FOXP1: variants seen among roughly 807,000 people sequenced by gnomAD.
The protein encoded by FOXP1 is forkhead box protein P1.
FOXP1 carries 15 observed loss-of-function variants against 98.2 expected under a neutral mutation model. The ratio of observed to expected loss-of-function variants is 0.15; its 90% CI spans 0.10 to 0.24. The LOEUF (loss-of-function observed/expected upper bound fraction) is 0.24. Ranked by LOEUF, FOXP1 falls within the 10% of genes least tolerant of loss-of-function variation. FOXP1 has a pLI of 1.00. For missense variants in FOXP1, 633 were observed against 848.5 expected (o/e 0.75, Z 3.15); for synonymous variants, 371 against 314.5 (o/e 1.18, Z -1.90).
At chr3:71,436,871 G>T (rs1170434707) in intron 3 of FOXP1, among the ~76,000 whole-genome samples, 1 of 152,072 alleles carries the variant, frequency 6.6e-6, no homozygotes, top group East Asian at 1.9e-4. Context: ...TAAAACACAG[G>T]AAACAAAATG....
intron 6 of FOXP1, among the ~76,000 whole-genome samples, chr3:71,129,162 T>G (rs778379998): frequency 5.9e-5 from 9 of 151,972 alleles, no homozygotes; most frequent in Non-Finnish European, 1.3e-4. Flanking sequence ...CCACACTGAG[T>G]TTTCGGCCCC....
intron 2 of FOXP1, among the ~76,000 whole-genome samples, chr3:71,510,564 G>A (rs2042132905): frequency 1.3e-5 from 2 of 152,132 alleles, no homozygotes; most frequent in African/African-American, 4.8e-5. Flanking sequence ...GCACACAGGT[G>A]CAGCACAATG....
At chr3:70,969,030 C>G (rs537370851) in intron 19 of FOXP1, 5 of 151,808 alleles carry the variant, frequency 3.3e-5, no homozygotes, top group Admixed American at 3.3e-4. Context: ...AGCAAATGTT[C>G]AGAGATGAAA....
chr3:71,000,794 A>AAAAATAAAAT lies in FOXP1; in HGVS notation c.1062+168_1062+177dup, dbSNP rs59993750. 0.13 allele frequency among the ~76,000 whole-genome samples: 16,156 copies of AAAAATAAAAT among 121,946 alleles called. 1,730 individuals carry two copies. The highest frequency in any genetic ancestry group is 0.27 in the African/African-American group (8,155 of 29,752). 80.0% of individuals were successfully genotyped at this position (121,946 alleles called of 152,430 possible). A position where few individuals can be genotyped will look rare whatever the true frequency, so the allele number is the denominator to read the frequency against. The stretch of plus-strand genomic sequence containing the variant: ...GGGGCTGAACCTGCCCAAAGAGGTA[A>AAAAATAAAAT]AAAATAAAATAAAATAAAATAAAAT... On this transcript the variant is annotated intron_variant, in intron 13 of 20. Transcript: ENST00000649528.
chr3:71,389,019 T>TA (rs955357099), intron 3 of FOXP1, among the ~76,000 whole-genome samples: 2 of 152,118 alleles, frequency 1.3e-5, no homozygotes, highest in African/African-American at 4.8e-5. Flanking sequence ...AGGATGTTAA[T>TA]AAAGGTTCTC....
chr3:71,390,890 C>T (rs2080983095), intron 3 of FOXP1, among the ~76,000 whole-genome samples: 1 of 152,200 alleles, frequency 6.6e-6, no homozygotes, highest in Non-Finnish European at 1.5e-5. Context: ...TCAAACTCTG[C>T]CCTCCCCAGG....
chr3:71,410,578 C>A (rs1248054097), intron 3 of FOXP1, among the ~76,000 whole-genome samples: 1 of 152,154 alleles, frequency 6.6e-6, no homozygotes, highest in African/African-American at 2.4e-5. Flanking sequence ...TTTAAATTGT[C>A]CACACACATT....
chr3:71,297,574 C>T lies in FOXP1; in HGVS notation c.-12+2246G>A, dbSNP rs573099234. On this transcript the variant is annotated intron_variant, in intron 5 of 20. Coordinates refer to ENST00000649528, the MANE Select transcript of FOXP1 (RefSeq NM_001349338.3). ...CTGTATGGATAAGGCAACTCTCAAG[C>T]TAAACTTTTCATCTTTTCTACCACT... is the stretch of plus-strand genomic sequence containing the variant. Among the ~76,000 whole-genome samples the T allele has an allele frequency of 1.0e-4, 15 of 148,876 alleles. No individual in the cohort carries two copies. The South Asian group carries it at 3.2e-3, about 32-fold the overall frequency.
intron 2 of FOXP1, chr3:71,572,048 A>G (rs939325084): frequency 2.6e-5 from 4 of 152,252 alleles, no homozygotes; most frequent in South Asian, 4.1e-4. Context: ...ACAAGGTGCT[A>G]TATCATAACA....
At chr3:71,545,265 G>A (rs1051963399) in intron 2 of FOXP1, among the ~76,000 whole-genome samples, 1 of 152,202 alleles carries the variant, frequency 6.6e-6, no homozygotes, top group Non-Finnish European at 1.5e-5. Context: ...CCTTGGGTAA[G>A]TCACAGTTTG....
chr3:71,274,492 G>A (rs2070702522), intron 5 of FOXP1, among the ~76,000 whole-genome samples: 1 of 152,172 alleles, frequency 6.6e-6, no homozygotes, highest in African/African-American at 2.4e-5. Flanking sequence ...AAATTCAGAA[G>A]AGAGCAGAGG....
At chr3:71,239,350 C>A in intron 5 of FOXP1, among the ~76,000 whole-genome samples, 1 of 152,076 alleles carries the variant, frequency 6.6e-6, no homozygotes, top group East Asian at 1.9e-4. Flanking sequence ...GAGAACCAGC[C>A]TGACTAAGAT....
At chr3:71,580,737 C>T (rs2048100148) in intron 2 of FOXP1, 1 of 963,812 alleles carries the variant, frequency 1.0e-6, no homozygotes, top group Non-Finnish European at 1.2e-6. Context: ...TTTTCAGTAG[C>T]AGAAAAATTC....
At chr3:71,019,983 C>T (rs756990921) in intron 11 of FOXP1, among the ~76,000 whole-genome samples, 4 of 152,072 alleles carry the variant, frequency 2.6e-5, no homozygotes, top group African/African-American at 4.8e-5. Flanking sequence ...CTGGTGTTGG[C>T]CTTTTTAAAA....
At chr3:71,195,292 C>G (rs1576324499) in intron 6 of FOXP1, among the ~76,000 whole-genome samples, 1 of 152,118 alleles carries the variant, frequency 6.6e-6, no homozygotes, top group Non-Finnish European at 1.5e-5. Flanking sequence ...TCAGGGCCCT[C>G]CCATTCTGAA....
At chr3:71,521,550 G>T (rs982484686) in intron 2 of FOXP1, among the ~76,000 whole-genome samples, 23 of 151,518 alleles carry the variant, frequency 1.5e-4, no homozygotes, top group Admixed American at 9.8e-4. Context: ...CAGGGGGAGG[G>T]GGGGGACCTG....
intron 3 of FOXP1, among the ~76,000 whole-genome samples, chr3:71,426,795 G>A (rs1444618982): frequency 6.6e-6 from 1 of 152,126 alleles, no homozygotes; most frequent in Non-Finnish European, 1.5e-5. Context: ...AGGCGCGGTG[G>A]CTCACGCCTG....
intron 11 of FOXP1, chr3:71,040,207 TTAAA>T (rs1331851769): frequency 3.3e-5 from 5 of 152,066 alleles, no homozygotes; most frequent in African/African-American, 1.2e-4. Context: ...AGTAGGCTTC[TTAAA>T]TACTCAATAT....
intron 7 of FOXP1, among the ~76,000 whole-genome samples, chr3:71,093,901 G>C (rs2056172131): frequency 6.6e-6 from 1 of 152,166 alleles, no homozygotes; most frequent in Admixed American, 6.5e-5. Context: ...CTTCTCATGA[G>C]AATGCTGTAT....
Sources: allele counts gnomAD v4.1 joint callset (sites outside exome capture counted in the v4.1 genomes callset), GRCh38; gene constraint gnomAD v4.1.1; transcripts MANE v1.5; gene names NCBI Gene and HGNC (gene_info 2026-07-23, HGNC 2026-07-21).